Variants in DMD observed in about 807,000 individuals in gnomAD.
DMD encodes mutant dystrophin.
DMD carries 63 observed loss-of-function variants against 330.1 expected under a neutral mutation model. That is an observed-to-expected ratio of 0.19 (90% CI 0.16 to 0.24). The LOEUF (loss-of-function observed/expected upper bound fraction) is 0.24. DMD is among the 10% of genes least tolerant of loss of function. The pLI is 1.00. For synonymous variants in DMD, 1,223 were observed against 959.8 expected (o/e 1.27, Z -5.07); for missense variants, 3,344 against 2,684.1 (o/e 1.25, Z -5.43).
chrX:32,936,668 A>AT (rs1296424781), intron 2 of DMD, among the ~76,000 whole-genome samples: 3 of 111,814 alleles, frequency 2.7e-5, no homozygotes, highest in Non-Finnish European at 5.6e-5. Context: ...ACATCCTCAG[A>AT]TAACTGGATA....
chrX:33,100,017 A>T (rs1436318797), intron 1 of DMD, among the ~76,000 whole-genome samples: 1 of 112,248 alleles, frequency 8.9e-6, no homozygotes, highest in Non-Finnish European at 1.9e-5. Context: ...GCAACATAAG[A>T]AGATAAAGAA....
At chrX:32,932,018 T>C (rs1320459815) in intron 2 of DMD, among the ~76,000 whole-genome samples, 4 of 111,996 alleles carry the variant, frequency 3.6e-5, no homozygotes, top group Non-Finnish European at 5.6e-5. Context: ...TATTCAAATA[T>C]ACACACACGC....
At chrX:31,191,152 T>C (rs7064305) in intron 67 of DMD, among the ~76,000 whole-genome samples, 38,570 of 110,492 alleles carry the variant, frequency 0.35, 5,626 homozygotes, top group African/African-American at 0.55. Context: ...CAGATAATTA[T>C]CCCAAGCAAG....
intron 62 of DMD, among the ~76,000 whole-genome samples, chrX:31,291,890 A>T (rs2053725430): frequency 9.0e-6 from 1 of 111,471 alleles, no homozygotes; most frequent in African/African-American, 3.3e-5. Context: ...AGCATCAAGT[A>T]CTGGGCCAAC....
rs781023665 is a variant in DMD, at chrX:33,323,287, CTTG to C, written c.7+15969_7+15971del. The stretch of plus-strand genomic sequence containing the variant: ...GTTTGTGAAAACTTGTGCTGTTGGA[CTTG>C]TTGTGCTTGTTGTACTCAGTCTTGC... On this transcript the variant is annotated intron_variant, in intron 1 of 17. Coordinates refer to the DMD transcript ENST00000288447. Among the ~76,000 whole-genome samples the C allele has an allele frequency of 2.0e-3, 228 of 111,795 alleles. 1 individual carries two copies. The highest frequency in any genetic ancestry group is 7.2e-3 in the African/African-American group (221 of 30,828).
At chrX:32,562,160 G>T (rs2051092514) in intron 16 of DMD, among the ~76,000 whole-genome samples, 1 of 111,587 alleles carries the variant, frequency 9.0e-6, no homozygotes, top group African/African-American at 3.3e-5. Flanking sequence ...GGGTATATTT[G>T]CCCTCTTTTC....
At chrX:33,083,151 C>T (rs897026140) in intron 1 of DMD, among the ~76,000 whole-genome samples, 2 of 111,762 alleles carry the variant, frequency 1.8e-5, no homozygotes, top group Non-Finnish European at 3.8e-5. Context: ...TCCAGAAGAA[C>T]GGAGTGGCGT....
chrX:32,736,396 C>G (rs2068489013), intron 7 of DMD, among the ~76,000 whole-genome samples: 1 of 111,217 alleles, frequency 9.0e-6, no homozygotes, highest in Non-Finnish European at 1.9e-5. Flanking sequence ...TCGCATTTGA[C>G]CCAGCCATCC....
chrX:33,223,225 C>T lies in DMD; in HGVS notation c.7+116034G>A, dbSNP rs772358904. On this transcript the variant is annotated intron_variant, in intron 1 of 17. Coordinates refer to the DMD transcript ENST00000288447. The stretch of plus-strand genomic sequence containing the variant: ...ACTTGAGAGGCTGAAATGAAAGAAT[C>T]GCTTGAACCCAGGAGGCGGAGATTG... Among the ~76,000 whole-genome samples, 7 of 111,837 alleles carry T rather than the reference C, an allele frequency of 6.3e-5. No individual in the cohort carries two copies. The East Asian group carries it at 1.1e-3, about 18-fold the overall frequency.
intron 9 of DMD, among the ~76,000 whole-genome samples, chrX:32,689,444 C>A (rs746307269): frequency 9.0e-6 from 1 of 111,048 alleles, no homozygotes; most frequent in Non-Finnish European, 1.9e-5. Context: ...CAAAGAAAAG[C>A]AAAAGACGAG....
chrX:32,935,740 A>C (rs1258888035), intron 2 of DMD, among the ~76,000 whole-genome samples: 2 of 111,433 alleles, frequency 1.8e-5, no homozygotes, highest in African/African-American at 6.5e-5. Flanking sequence ...AAGGAAAAAA[A>C]AACAATTCTA....
chrX:32,823,867 G>C (rs2078483886), intron 4 of DMD, among the ~76,000 whole-genome samples: 2 of 111,404 alleles, frequency 1.8e-5, no homozygotes, highest in South Asian at 3.8e-4. Flanking sequence ...CTAGGACTGT[G>C]TTTGGAAATG....
chrX:31,302,349 T>C (rs1244356277), intron 62 of DMD, among the ~76,000 whole-genome samples: 1 of 111,532 alleles, frequency 9.0e-6, no homozygotes, highest in Non-Finnish European at 1.9e-5. Flanking sequence ...ATTAATATTT[T>C]AAAGACTCTT....
rs963019532 is a variant in DMD, at chrX:32,328,901, C to T, written c.5922+13199G>A. On this transcript the variant is annotated intron_variant, in intron 41 of 78. Coordinates refer to ENST00000357033, the MANE Select transcript of DMD (RefSeq NM_004006.3). ...TAAATAAAAAATTGCTCTTTTTTTT[C>T]TTTTCCTTATGGACCATTGAAAACT... Among the ~76,000 whole-genome samples, 65 of 110,800 alleles carry T rather than the reference C, an allele frequency of 5.9e-4. 1 individual carries two copies. The highest frequency in any genetic ancestry group is 1.9e-3 in the African/African-American group (58 of 30,602).
chrX:31,608,734 C>T (rs1397274444), intron 55 of DMD, among the ~76,000 whole-genome samples: 2 of 111,060 alleles, frequency 1.8e-5, no homozygotes, highest in African/African-American at 6.5e-5. Flanking sequence ...AGCAGAAGCA[C>T]AAACAGGAAT....
rs2096582313 is a variant in DMD, at chrX:32,110,016, G to A, written c.6438+106900C>T. On this transcript the variant is annotated intron_variant, in intron 44 of 78. Transcript: ENST00000357033. ...ATTAACCAGTCATTATTTTTCAATG[G>A]CTATGACTTTTATAATAGTACAGCT... Among the ~76,000 whole-genome samples, 3 of 111,521 alleles carry A rather than the reference G, an allele frequency of 2.7e-5. No homozygotes were observed. The South Asian group carries it at 1.1e-3, about 41-fold the overall frequency.
chrX:32,836,021 C>G lies in DMD; in HGVS notation c.264+8762G>C, dbSNP rs189200781. ...TCTTGGTGTGTGGACAAACTTATCA[C>G]TGGTATTCAAAAAAAAATTTTTTTT... On this transcript the variant is annotated intron_variant, in intron 4 of 78. Coordinates refer to ENST00000357033, the MANE Select transcript of DMD (RefSeq NM_004006.3). Among the ~76,000 whole-genome samples, 7 of 108,007 alleles carry G rather than the reference C, an allele frequency of 6.5e-5. No individual in the cohort carries two copies. The Admixed American group carries it at 6.9e-4, about 11-fold the overall frequency. The allele number at this position is 108,007 out of a possible 115,157, so 93.8% of individuals were successfully genotyped here.
chrX:32,484,275 G>C (rs933213022), intron 21 of DMD, among the ~76,000 whole-genome samples: 2 of 111,741 alleles, frequency 1.8e-5, no homozygotes, highest in African/African-American at 6.5e-5. Flanking sequence ...AGATATTTTG[G>C]AGCAGATACT....
Position 32,472,066 on chromosome X carries a change from G to A in DMD, c.2949+98C>T, listed in dbSNP as rs1367470798. 4 of 1,062,138 alleles carry A rather than the reference G, an allele frequency of 3.8e-6. No individual in the cohort carries two copies. The African/African-American group carries it at 7.4e-5, about 20-fold the overall frequency. The allele number at this position is 1,062,138 out of a possible 1,213,427, so 87.5% of individuals were successfully genotyped here. On this transcript the variant is annotated intron_variant, in intron 22 of 78. Coordinates refer to ENST00000357033, the MANE Select transcript of DMD (RefSeq NM_004006.3). Reference sequence around the variant, plus strand: ...GCTCAATGGGCAAACTACCATACTTGTCAGAATGACTTAAATTCTAATATT... The same window carrying A: ...GCTCAATGGGCAAACTACCATACTTATCAGAATGACTTAAATTCTAATATT...
Sources: allele counts gnomAD v4.1 joint callset (sites outside exome capture counted in the v4.1 genomes callset), GRCh38; gene constraint gnomAD v4.1.1; transcripts MANE v1.5; gene names NCBI Gene and HGNC (gene_info 2026-07-23, HGNC 2026-07-21).